PITPNM2: variants seen among roughly 807,000 people sequenced by gnomAD.
PITPNM2 encodes the protein membrane-associated phosphatidylinositol transfer protein 2.
A neutral mutation model predicts 132.2 loss-of-function variants in PITPNM2; 35 were observed. That is an observed-to-expected ratio of 0.26 (90% confidence interval 0.20 to 0.35). The LOEUF (loss-of-function observed/expected upper bound fraction) is 0.35. Ranked by LOEUF, PITPNM2 falls within the 10% of genes least tolerant of loss-of-function variation. The pLI is 1.00. For synonymous variants in PITPNM2, 738 were observed against 799.2 expected (o/e 0.92, Z 1.29); for missense variants, 1,332 against 1,912.0 (o/e 0.70, Z 5.66).
At chr12:123,020,091 GT>G (rs1007519543) in intron 3 of PITPNM2, among the ~76,000 whole-genome samples, 3 of 152,178 alleles carry the variant, frequency 2.0e-5, no homozygotes, top group Admixed American at 1.3e-4. Flanking sequence ...TATCACAAAA[GT>G]TTTTTTATTT....
At chr12:123,139,613 T>C (rs2043458996) in intron 1 of PITPNM2, among the ~76,000 whole-genome samples, 1 of 152,158 alleles carries the variant, frequency 6.6e-6, no homozygotes, top group African/African-American at 2.4e-5. Flanking sequence ...ACCCTTCCTG[T>C]CCTCTCCCAC....
intron 3 of PITPNM2, among the ~76,000 whole-genome samples, chr12:123,019,072 C>T (rs190167831): frequency 1.4e-4 from 22 of 152,296 alleles, no homozygotes; most frequent in African/African-American, 5.3e-4. Flanking sequence ...GAATGAGCCA[C>T]CGTGCCTGGC....
chr12:123,075,438 G>A (rs2041754181), intron 2 of PITPNM2: 2 of 152,250 alleles, frequency 1.3e-5, no homozygotes, highest in African/African-American at 2.4e-5. Context: ...CTGCAAGCCA[G>A]GCCAGGGAAA....
At chr12:123,037,244 C>A (rs2040302132) in intron 2 of PITPNM2, among the ~76,000 whole-genome samples, 1 of 152,242 alleles carries the variant, frequency 6.6e-6, no homozygotes. Flanking sequence ...GTAGCACAGG[C>A]ACCTGATCTG....
intron 2 of PITPNM2, among the ~76,000 whole-genome samples, chr12:123,076,554 A>C (rs1237324484): frequency 1.3e-5 from 2 of 152,200 alleles, no homozygotes; most frequent in African/African-American, 2.4e-5. Context: ...CATGAGGCTG[A>C]AGTCCTATAT....
At chr12:123,073,877 CTT>C in intron 2 of PITPNM2, among the ~76,000 whole-genome samples, 2 of 152,310 alleles carry the variant, frequency 1.3e-5, no homozygotes, top group Middle Eastern at 6.8e-3. Flanking sequence ...TTCCTTTTCT[CTT>C]CTCAGACAAC....
intron 1 of PITPNM2, among the ~76,000 whole-genome samples, chr12:123,125,923 G>A (rs1280801795): frequency 6.0e-5 from 7 of 117,366 alleles, no homozygotes; most frequent in South Asian, 7.2e-4. Context: ...AGGCTGGAGC[G>A]CAGTGGCGTG....
chr12:123,103,916 A>G (rs1346451648), intron 2 of PITPNM2, among the ~76,000 whole-genome samples: 1 of 151,472 alleles, frequency 6.6e-6, no homozygotes, highest in Non-Finnish European at 1.5e-5. Context: ...TTATTTATTT[A>G]TTTATTTATT....
intron 2 of PITPNM2, among the ~76,000 whole-genome samples, chr12:123,062,670 T>C (rs1354643040): frequency 1.3e-5 from 2 of 152,136 alleles, no homozygotes; most frequent in Non-Finnish European, 2.9e-5. Context: ...GACATGAATA[T>C]AGAATACATA....
At chr12:123,056,807 G>C (rs771223327) in intron 2 of PITPNM2, among the ~76,000 whole-genome samples, 1 of 151,968 alleles carries the variant, frequency 6.6e-6, no homozygotes, top group Non-Finnish European at 1.5e-5. Context: ...TATCAAGATG[G>C]GTGCTAAGAA....
At chr12:123,048,429 G>A (rs999276842) in intron 2 of PITPNM2, among the ~76,000 whole-genome samples, 2 of 149,998 alleles carry the variant, frequency 1.3e-5, no homozygotes, top group African/African-American at 2.5e-5. Context: ...TTTTTGAGAC[G>A]GAGTCTCGCT....
chr12:123,086,342 G>A (rs1399761638), intron 2 of PITPNM2, among the ~76,000 whole-genome samples: 1 of 152,216 alleles, frequency 6.6e-6, no homozygotes, highest in Non-Finnish European at 1.5e-5. Context: ...TCTACAAAAT[G>A]GGGGTGAAGA....
intron 21 of PITPNM2, 51 bp from the exon 22 acceptor site, chr12:122,987,710 C>G (rs765212047): frequency 9.9e-6 from 16 of 1,611,722 alleles, no homozygotes; most frequent in Admixed American, 1.7e-5. Flanking sequence ...CTCTCCACCC[C>G]CTGCACCCCG....
In PITPNM2 at chr12:123,064,895, A is replaced by G. The variant is rs1566274541; in HGVS notation, c.-95-30210T>C. ...ACCTGCTCCAGGCCTCAGTGTACCC[A>G]TTTGTGGACCACCACCCACCTTGGA... On this transcript the variant is annotated intron_variant, in intron 2 of 25. Coordinates refer to ENST00000320201, the MANE Select transcript of PITPNM2 (RefSeq NM_020845.3). This position sits in a 1 kb window ranked among gnomAD's most constrained non-coding sequence, Gnocchi z 4.0. Among the ~76,000 whole-genome samples, 1 of 152,160 alleles carries G rather than the reference A, an allele frequency of 6.6e-6. No homozygotes were observed. The highest frequency in any genetic ancestry group is 1.5e-5 in the Non-Finnish European group (1 of 68,008).
chr12:122,989,795 A>G lies in PITPNM2; in HGVS notation c.2723T>C (p.Ile908Thr), dbSNP rs746569288. The change falls in exon 18 of 26, where the codon ATT (isoleucine) becomes ACT (threonine). Residue 908 changes from isoleucine (I) to threonine (T), a missense_variant. Coordinates refer to ENST00000320201, the MANE Select transcript of PITPNM2 (RefSeq NM_020845.3). ...AGTGTGTGGGGTGGTACCTTCTCCA[A>G]TGTCCAGCTCAGGGAGGCCAGGGGC... Reference protein sequence around the residue: ...ERAPGLPELDIGEVAAKWWGQ... With the variant: ...ERAPGLPELDTGEVAAKWWGQ... 8 of 1,364,788 alleles carry G rather than the reference A, an allele frequency of 5.9e-6. No homozygotes were observed. The highest frequency in any genetic ancestry group is 3.0e-5 in the East Asian group (1 of 32,836). The allele number at this position is 1,364,788 out of a possible 1,614,324, so 84.5% of individuals were successfully genotyped here. A position where few individuals can be genotyped will look rare whatever the true frequency, so the allele number is the denominator to read the frequency against.
At position 122,992,335 on chromosome 12, in the gene PITPNM2, A is replaced by T. The variant is rs1479647936; in HGVS notation, c.2404+164T>A. Reference sequence around the variant, plus strand: ...AGGGATCAGTGCGGAGGGATGCACCACCCCCACCCCCCACCCCCAACAGCT... The same window carrying T: ...AGGGATCAGTGCGGAGGGATGCACCTCCCCCACCCCCCACCCCCAACAGCT... On this transcript the variant is annotated intron_variant, in intron 16 of 25. Transcript: ENST00000320201. This position sits in a 1 kb window ranked among gnomAD's most constrained non-coding sequence, Gnocchi z 6.5. Among the ~76,000 whole-genome samples, 1 of 126,098 alleles carries T rather than the reference A, an allele frequency of 7.9e-6. No homozygotes were observed. Among genetic ancestry groups the T allele is most frequent in the East Asian group, 2.6e-4 (1 of 3,816 alleles). 82.7% of individuals were successfully genotyped at this position (126,098 alleles called of 152,430 possible).
chr12:123,138,792 A>G (rs777539886), intron 1 of PITPNM2, among the ~76,000 whole-genome samples: 1 of 152,228 alleles, frequency 6.6e-6, no homozygotes, highest in Non-Finnish European at 1.5e-5. Flanking sequence ...AATATACTAT[A>G]TAACACTGAA....
At position 123,097,073 on chromosome 12, in the gene PITPNM2, G is replaced by A. The variant is rs919230198; in HGVS notation, c.-96+13312C>T. ...ATTTATTTTTTTGGTATGGAGTCTC[G>A]CTCTTGTCGCCCAGGTTTGAGTGCA... On this transcript the variant is annotated intron_variant, in intron 2 of 25. Coordinates refer to ENST00000320201, the MANE Select transcript of PITPNM2 (RefSeq NM_020845.3). This position sits in a 1 kb window ranked among gnomAD's most constrained non-coding sequence, Gnocchi z 4.7. Among the ~76,000 whole-genome samples, 7 of 151,528 alleles carry A rather than the reference G, an allele frequency of 4.6e-5. No individual in the cohort carries two copies. The highest frequency in any genetic ancestry group is 8.8e-5 in the Non-Finnish European group (6 of 67,912).
intron 2 of PITPNM2, among the ~76,000 whole-genome samples, chr12:123,094,214 C>T (rs1319184041): frequency 6.6e-6 from 1 of 152,238 alleles, no homozygotes; most frequent in Non-Finnish European, 1.5e-5. Flanking sequence ...CTCACCAGTA[C>T]AGGGCTGGCT....
Sources: gnomAD v4.1 joint callset for allele counts (sites outside exome capture counted in the v4.1 genomes callset) on GRCh38, gnomAD v4.1.1 for gene constraint, Gnocchi (gnomAD v3.1) non-coding constraint, MANE v1.5 for transcripts, NCBI Gene and HGNC (gene_info 2026-07-23, HGNC 2026-07-21) for gene names.